ASAP1: variants seen among roughly 807,000 people sequenced by gnomAD.
ASAP1 encodes ArfGAP with SH3 domain, ankyrin repeat and PH domain 1, also known as arf-GAP with SH3 domain, ANK repeat and PH domain-containing protein 1.
A neutral mutation model predicts 145.2 loss-of-function variants in ASAP1; 43 were observed. That is an observed-to-expected ratio of 0.30 (90% CI 0.23 to 0.38). The LOEUF (loss-of-function observed/expected upper bound fraction) is 0.38, where lower values mean the gene tolerates loss of function less well. Among genes scored for constraint, ASAP1 ranks in the 10% least tolerant of loss-of-function variants. ASAP1 has a pLI of 1.00. For missense variants in ASAP1, 1,018 were observed against 1,355.3 expected (o/e 0.75, Z 3.91); for synonymous variants, 546 against 515.5 (o/e 1.06, Z -0.80).
chr8:130,356,849 G>C (rs1158389052), intron 3 of ASAP1, among the ~76,000 whole-genome samples: 1 of 152,158 alleles, frequency 6.6e-6, no homozygotes, highest in Non-Finnish European at 1.5e-5. Context: ...AGAAGCCCAA[G>C]CTTCCCCATA....
At chr8:130,278,147 T>TA (rs1489814116) in intron 3 of ASAP1, among the ~76,000 whole-genome samples, 1 of 152,142 alleles carries the variant, frequency 6.6e-6, no homozygotes, top group African/African-American at 2.4e-5. Context: ...CATGAGTTCT[T>TA]TAACTCTCTA....
intron 2 of ASAP1, among the ~76,000 whole-genome samples, chr8:130,372,487 G>T (rs1472431084): frequency 6.6e-6 from 1 of 152,194 alleles, no homozygotes; most frequent in Non-Finnish European, 1.5e-5. Context: ...AAATAGATGT[G>T]ATACCTACCA....
At chr8:130,355,737 A>C (rs1002846647) in intron 3 of ASAP1, among the ~76,000 whole-genome samples, 3 of 152,180 alleles carry the variant, frequency 2.0e-5, no homozygotes, top group Non-Finnish European at 4.4e-5. Context: ...ATGGGGGAAA[A>C]ATTAAAATTC....
intron 24 of ASAP1, among the ~76,000 whole-genome samples, chr8:130,094,759 G>C (rs1168061455): frequency 6.6e-6 from 1 of 152,176 alleles, no homozygotes; most frequent in South Asian, 2.1e-4. Flanking sequence ...CCTGTGCTTG[G>C]CATATGAGGA....
intron 2 of ASAP1, chr8:130,361,882 C>T (rs1826728932): frequency 1.3e-6 from 1 of 752,690 alleles, no homozygotes; most frequent in Admixed American, 2.0e-5. Context: ...AATGTGCGCA[C>T]ACACATATTT....
At chr8:130,090,025 G>A (rs906241692) in intron 25 of ASAP1, among the ~76,000 whole-genome samples, 1 of 152,044 alleles carries the variant, frequency 6.6e-6, no homozygotes, top group Non-Finnish European at 1.5e-5. Flanking sequence ...ATCTGGAAAA[G>A]GTTATAAGGC....
chr8:130,289,079 G>A (rs1214692148), intron 3 of ASAP1, among the ~76,000 whole-genome samples: 2 of 152,126 alleles, frequency 1.3e-5, no homozygotes, highest in Admixed American at 1.3e-4. Context: ...CCAGGTACTC[G>A]GGAAGCTGAG....
chr8:130,340,558 T>C (rs1825311349), intron 3 of ASAP1, among the ~76,000 whole-genome samples: 1 of 152,134 alleles, frequency 6.6e-6, no homozygotes, highest in African/African-American at 2.4e-5. Context: ...ATGCATAAAA[T>C]GTGTGTGTAT....
chr8:130,096,130 G>C (rs556583722), intron 24 of ASAP1, among the ~76,000 whole-genome samples: 29 of 152,164 alleles, frequency 1.9e-4, no homozygotes, highest in African/African-American at 6.8e-4. Context: ...ATCTTGGCTG[G>C]GAAGACATGA....
chr8:130,193,718 T>C (rs1565074573), intron 5 of ASAP1, among the ~76,000 whole-genome samples: 1 of 152,170 alleles, frequency 6.6e-6, no homozygotes, highest in South Asian at 2.1e-4. Flanking sequence ...TATTAGTACC[T>C]TGATCTGAAA....
At chr8:130,179,557 ATTAGT>A (rs1253548972) in intron 8 of ASAP1, among the ~76,000 whole-genome samples, 2 of 152,168 alleles carry the variant, frequency 1.3e-5, no homozygotes, top group Non-Finnish European at 2.9e-5. Flanking sequence ...TTATTTTATG[ATTAGT>A]TTACTCGACA....
intron 1 of ASAP1, among the ~76,000 whole-genome samples, chr8:130,435,901 T>C (rs1020257149): frequency 1.2e-4 from 18 of 152,088 alleles, no homozygotes; most frequent in African/African-American, 9.7e-5. Context: ...GAAGCTCCCA[T>C]AGAAACTTTT....
At chr8:130,079,796 C>T (rs1261772838) in intron 26 of ASAP1, 106 bp downstream of exon 26, 1 of 1,204,576 alleles carries the variant, frequency 8.3e-7, no homozygotes, top group African/African-American at 1.5e-5. Context: ...ACTTGGCTGA[C>T]CACAGCTTTG....
chr8:130,169,044 G>A lies in ASAP1; in HGVS notation c.770C>T (p.Thr257Ile). ...AATGTACTGTTTCAACTTATCAGCT[G>A]TTTTCAAGCCATCTTGAAAGAAACT... ...QCNFFQDGLK[T>I]ADKLKQYIEK... Residue 257 changes from threonine (T) to isoleucine (I), a missense_variant, in exon 10 of 30, where the codon ACA (threonine) becomes ATA (isoleucine). Coordinates refer to ENST00000518721, the MANE Select transcript of ASAP1 (RefSeq NM_018482.4). 6.4e-7 allele frequency: 1 copy of A among 1,567,568 alleles called. No homozygotes were observed. The highest frequency in any genetic ancestry group is 8.6e-7 in the Non-Finnish European group (1 of 1,160,738).
chr8:130,145,320 G>T (rs1249198149), intron 13 of ASAP1, among the ~76,000 whole-genome samples: 1 of 152,124 alleles, frequency 6.6e-6, no homozygotes, highest in East Asian at 1.9e-4. Flanking sequence ...TATGGCATAT[G>T]TTTTTTTCTT....
intron 3 of ASAP1, among the ~76,000 whole-genome samples, chr8:130,340,585 T>A (rs1414427512): frequency 6.6e-6 from 1 of 152,236 alleles, no homozygotes; most frequent in African/African-American, 2.4e-5. Context: ...ACTTTGAATT[T>A]AAAAATGTTC....
chr8:130,103,411 G>C (rs111563482), intron 24 of ASAP1, among the ~76,000 whole-genome samples: 8 of 151,816 alleles, frequency 5.3e-5, no homozygotes, highest in African/African-American at 1.2e-4. Context: ...TTTCTGCTCT[G>C]ATCTTTTTTC....
intron 3 of ASAP1, among the ~76,000 whole-genome samples, chr8:130,281,527 T>C (rs1021927008): frequency 6.6e-6 from 1 of 152,216 alleles, no homozygotes; most frequent in Admixed American, 6.5e-5. Context: ...ACTGTAAATC[T>C]ACAACTAAGT....
At chr8:130,215,518 C>T (rs1181201304) in intron 4 of ASAP1, among the ~76,000 whole-genome samples, 2 of 151,978 alleles carry the variant, frequency 1.3e-5, no homozygotes, top group Admixed American at 6.6e-5. Flanking sequence ...CCAAGGCGGG[C>T]CGATCACGAG....
Sources: gnomAD v4.1 joint callset for allele counts (sites outside exome capture counted in the v4.1 genomes callset) on GRCh38, gnomAD v4.1.1 for gene constraint, MANE v1.5 for transcripts, NCBI Gene and HGNC (gene_info 2026-07-23, HGNC 2026-07-21) for gene names.